The following SHOC1 variants were observed in gnomAD, a reference collection of about 807,000 sequenced individuals.
The protein encoded by SHOC1 is protein shortage in chiasmata 1 ortholog.
Under a neutral mutation model 179.2 loss-of-function variants are expected in SHOC1, and 136 were observed. The ratio of observed to expected loss-of-function variants is 0.76; its 90% confidence interval spans 0.66 to 0.87. The LOEUF is 0.87. Among genes scored for constraint, SHOC1 ranks in the 40% least tolerant of loss-of-function variants. The pLI is 0.00. For synonymous variants in SHOC1, 489 were observed against 586.6 expected, an observed-to-expected ratio of 0.83 and a Z score of 2.41; for missense variants, 1,538 against 1,700.8, an observed-to-expected ratio of 0.90 and a Z score of 1.68.
chr9:111,717,916 A>G (rs1275071535), intron 16 of SHOC1, among the ~76,000 whole-genome samples: 4 of 152,208 alleles, frequency 2.6e-5, no homozygotes, highest in Admixed American at 1.3e-4. Flanking sequence ...CATGATAATG[A>G]TTATACAATC....
chr9:111,741,823 G>T (rs1308517744), intron 10 of SHOC1, among the ~76,000 whole-genome samples: 2 of 152,038 alleles, frequency 1.3e-5, no homozygotes, highest in South Asian at 4.2e-4. Context: ...GTAGAGGCGG[G>T]GTTTCACCAT....
intron 1 of SHOC1, 116 bp from the exon 2 acceptor site, chr9:111,791,570 TGG>T (rs1015250833): frequency 2.4e-5 from 10 of 412,256 alleles, no homozygotes; most frequent in Non-Finnish European, 3.9e-5. Context: ...TGATAATCAT[TGG>T]TAAAAATAAT....
intron 5 of SHOC1, among the ~76,000 whole-genome samples, chr9:111,766,243 T>C (rs1317600013): frequency 6.6e-6 from 1 of 152,238 alleles, no homozygotes; most frequent in Non-Finnish European, 1.5e-5. Context: ...CATTCTTTTT[T>C]GTGGCTGAAT....
chr9:111,757,845 A>G (rs565878827), intron 7 of SHOC1, among the ~76,000 whole-genome samples: 51 of 152,244 alleles, frequency 3.3e-4, no homozygotes, highest in South Asian at 1.4e-3. Context: ...CACCAGACCA[A>G]TTTATCAGAA....
intron 3 of SHOC1, among the ~76,000 whole-genome samples, chr9:111,785,338 T>C (rs1836224228): frequency 2.0e-5 from 3 of 147,636 alleles, no homozygotes; most frequent in Admixed American, 2.0e-4. Flanking sequence ...TTTATATATT[T>C]AATGGTTTTG....
At chr9:111,721,314 T>C (rs1260758210) in intron 15 of SHOC1, among the ~76,000 whole-genome samples, 4 of 152,132 alleles carry the variant, frequency 2.6e-5, no homozygotes, top group Non-Finnish European at 5.9e-5. Flanking sequence ...TCCAGGTAGT[T>C]TCCTCACATA....
chr9:111,721,261 ATAG>A (rs1833034967), intron 15 of SHOC1, among the ~76,000 whole-genome samples: 1 of 152,200 alleles, frequency 6.6e-6, no homozygotes, highest in Admixed American at 6.6e-5. Context: ...TGAATGCAGC[ATAG>A]TAGTCCCTCT....
intron 8 of SHOC1, among the ~76,000 whole-genome samples, chr9:111,753,148 C>T (rs1784138355): frequency 6.6e-6 from 1 of 152,148 alleles, no homozygotes; most frequent in Non-Finnish European, 1.5e-5. Flanking sequence ...GTATTTTTGT[C>T]ATAAAATATA....
Position 111,758,084 on chromosome 9 carries a change from C to T in SHOC1, c.708G>A (p.Glu236=). ...EKLEDTICLN[E]PSSFLIEYEF... ...TATTATTGAAAGCCAGTATTACAAC[C>T]TCATTTAAACATATTGTATCTTCTA... Residue 236 remains glutamate (E), a splice_region_variant and synonymous_variant, in exon 7 of 28, where the codon GAG becomes GAA. Transcript: ENST00000682961. 6.9e-7 allele frequency: 1 copy of T among 1,443,814 alleles called. No individual in the cohort carries two copies. Among genetic ancestry groups the T allele is most frequent in the East Asian group, 2.3e-5 (1 of 42,730 alleles). The allele number at this position is 1,443,814 out of a possible 1,614,324, so 89.4% of individuals were successfully genotyped here. A position where few individuals can be genotyped will look rare whatever the true frequency, so the allele number is the denominator to read the frequency against.
intron 15 of SHOC1, among the ~76,000 whole-genome samples, chr9:111,719,679 T>C (rs1832949131): frequency 6.6e-6 from 1 of 152,026 alleles, no homozygotes; most frequent in South Asian, 2.1e-4. Flanking sequence ...TCTTGATGCC[T>C]TTCTGTGGCT....
chr9:111,761,299 C>G (rs143298595), intron 5 of SHOC1, among the ~76,000 whole-genome samples: 4 of 152,052 alleles, frequency 2.6e-5, no homozygotes, highest in Non-Finnish European at 5.9e-5. Flanking sequence ...GTCAGAAGTT[C>G]GAGACCAGCC....
intron 3 of SHOC1, among the ~76,000 whole-genome samples, chr9:111,782,895 C>G (rs983974859): frequency 6.6e-6 from 1 of 152,184 alleles, no homozygotes; most frequent in Non-Finnish European, 1.5e-5. Context: ...TTTTCCACCA[C>G]CAATTCTACC....
chr9:111,752,601 T>C (rs1383180449), intron 8 of SHOC1, among the ~76,000 whole-genome samples: 3 of 152,250 alleles, frequency 2.0e-5, no homozygotes, highest in Admixed American at 1.3e-4. Context: ...AATATGTTAC[T>C]GGACACTAAC....
intron 2 of SHOC1, among the ~76,000 whole-genome samples, chr9:111,786,548 C>A (rs1164600118): frequency 7.3e-6 from 1 of 136,768 alleles, no homozygotes; most frequent in African/African-American, 2.8e-5. Context: ...AGCTTTGTGG[C>A]AACCCCATGA....
chr9:111,721,422 C>T (rs1458748261), intron 15 of SHOC1, among the ~76,000 whole-genome samples: 1 of 152,188 alleles, frequency 6.6e-6, no homozygotes, highest in East Asian at 1.9e-4. Context: ...TCACTGCAAC[C>T]TCTGCCTCCC....
In SHOC1 at chr9:111,700,043, G is replaced by T; in HGVS notation, c.3094C>A (p.Leu1032Met). 2 of 1,499,434 alleles carry T rather than the reference G, an allele frequency of 1.3e-6. No homozygotes were observed. Among genetic ancestry groups the T allele is most frequent in the South Asian group, 1.2e-5 (1 of 83,480 alleles). The allele number at this position is 1,499,434 out of a possible 1,614,324, so 92.9% of individuals were successfully genotyped here. A position where few individuals can be genotyped will look rare whatever the true frequency, so the allele number is the denominator to read the frequency against. Residue 1032 changes from leucine (L) to methionine (M), a missense_variant, in exon 24 of 28, where the codon CTG becomes ATG. Transcript: ENST00000682961. ...TGATGAAGTGTCTTTTCTGTAAGCA[G>T]ATACCTACAAAGAATTATATTACTA... is the stretch of plus-strand genomic sequence containing the variant. ...YTKETLNSEY[L>M]LTEKTLHHLA...
intron 5 of SHOC1, among the ~76,000 whole-genome samples, chr9:111,772,492 T>C (rs1269481239): frequency 6.6e-6 from 1 of 152,226 alleles, no homozygotes; most frequent in African/African-American, 2.4e-5. Flanking sequence ...TATATGTCTA[T>C]GTCTTTGCAT....
intron 5 of SHOC1, chr9:111,759,422 A>C: frequency 7.2e-7 from 1 of 1,391,376 alleles, no homozygotes; most frequent in Non-Finnish European, 9.3e-7. Flanking sequence ...AGTATGATAT[A>C]GCTTATGTAT....
At chr9:111,733,016 C>A (rs1025747813) in intron 12 of SHOC1, among the ~76,000 whole-genome samples, 1 of 140,830 alleles carries the variant, frequency 7.1e-6, no homozygotes, top group Admixed American at 7.5e-5. Flanking sequence ...TTGGAGCCTT[C>A]CTACATTCCA....
Sources: allele counts gnomAD v4.1 joint callset (sites outside exome capture counted in the v4.1 genomes callset), GRCh38; gene constraint gnomAD v4.1.1; transcripts MANE v1.5; gene names NCBI Gene and HGNC (gene_info 2026-07-23, HGNC 2026-07-21).